Variants in TRAPPC9 observed in about 807,000 individuals in gnomAD.
TRAPPC9 encodes the protein trafficking protein particle complex subunit 9.
Under a neutral mutation model 124.0 loss-of-function variants are expected in TRAPPC9, and 83 were observed. The ratio of observed to expected loss-of-function variants is 0.67; its 90% CI spans 0.56 to 0.80. The LOEUF (loss-of-function observed/expected upper bound fraction) is 0.80, where lower values mean the gene tolerates loss of function less well. TRAPPC9 is among the 30% of genes least tolerant of loss of function. The pLI, the probability that TRAPPC9 is intolerant of heterozygous loss-of-function variation, is 0.00. For missense variants in TRAPPC9, 1,302 were observed against 1,508.3 expected, an observed-to-expected ratio of 0.86 and a Z score of 2.27; for synonymous variants, 638 against 617.5, an observed-to-expected ratio of 1.03 and a Z score of -0.49.
intron 9 of TRAPPC9, among the ~76,000 whole-genome samples, chr8:140,319,728 A>G (rs1405610364): frequency 6.6e-6 from 1 of 152,200 alleles, no homozygotes; most frequent in Non-Finnish European, 1.5e-5. Context: ...TCGGCCTCCC[A>G]AAGTGCTGGG....
chr8:139,753,605 G>A (rs1009459516), intron 21 of TRAPPC9, among the ~76,000 whole-genome samples: 1 of 152,224 alleles, frequency 6.6e-6, no homozygotes, highest in East Asian at 1.9e-4. Flanking sequence ...CAAGCCTTCT[G>A]TACTCCTTCC....
chr8:139,746,252 T>C (rs899456334), intron 21 of TRAPPC9, among the ~76,000 whole-genome samples: 1 of 152,208 alleles, frequency 6.6e-6, no homozygotes, highest in Non-Finnish European at 1.5e-5. Flanking sequence ...AGAGGCTGTC[T>C]GGGAAGCCAT....
intron 18 of TRAPPC9, among the ~76,000 whole-genome samples, chr8:140,012,952 A>C (rs531499208): frequency 2.6e-5 from 4 of 152,268 alleles, no homozygotes; most frequent in Admixed American, 6.5e-5. Flanking sequence ...GTGTGTAGCA[A>C]GGCAACTGGC....
At chr8:139,996,659 C>G (rs935842475) in intron 18 of TRAPPC9, among the ~76,000 whole-genome samples, 8 of 152,142 alleles carry the variant, frequency 5.3e-5, no homozygotes, top group Non-Finnish European at 8.8e-5. Context: ...TGGCCACACC[C>G]CCAAAAAGAA....
intron 17 of TRAPPC9, among the ~76,000 whole-genome samples, chr8:140,218,102 G>A (rs1262463507): frequency 6.6e-6 from 1 of 151,426 alleles, no homozygotes; most frequent in African/African-American, 2.4e-5. Flanking sequence ...ACAGAAAATC[G>A]CAGCTGGTCT....
chr8:139,982,395 T>C (rs1443063990), intron 19 of TRAPPC9, among the ~76,000 whole-genome samples: 1 of 152,120 alleles, frequency 6.6e-6, no homozygotes, highest in Non-Finnish European at 1.5e-5. Flanking sequence ...CTTTTACTCA[T>C]AGGGAAAAAT....
rs553119494 is a variant in TRAPPC9 at position 140,303,590 on chromosome 8, C to T, written c.1623-2976G>A. 2.6e-5 allele frequency among the ~76,000 whole-genome samples: 4 copies of T among 152,324 alleles called. No individual in the cohort carries two copies. The East Asian group carries it at 7.7e-4, about 29-fold the overall frequency. The stretch of plus-strand genomic sequence containing the variant: ...GGCTGCCTCCTGGCAGATGAGATCA[C>T]GCTTGGCCACTACCATCTCTTCGCA... On this transcript the variant is annotated intron_variant, in intron 10 of 22. Transcript: ENST00000438773.
intron 17 of TRAPPC9, among the ~76,000 whole-genome samples, chr8:140,144,483 CAT>C (rs2061427446): frequency 6.6e-6 from 1 of 151,632 alleles, no homozygotes; most frequent in African/African-American, 2.4e-5. Flanking sequence ...TTCATTCATT[CAT>C]TCATTCATTC....
chr8:139,770,563 G>A (rs965317531), intron 21 of TRAPPC9, among the ~76,000 whole-genome samples: 8 of 152,220 alleles, frequency 5.3e-5, no homozygotes, highest in Admixed American at 5.2e-4. Flanking sequence ...GTGAAACTGC[G>A]CAAACAGTGC....
intron 7 of TRAPPC9, among the ~76,000 whole-genome samples, chr8:140,376,673 C>T (rs2068449648): frequency 6.7e-6 from 1 of 150,364 alleles, no homozygotes; most frequent in South Asian, 2.1e-4. Context: ...GTCAGGAGTT[C>T]GAGACCAGCC....
intron 2 of TRAPPC9, among the ~76,000 whole-genome samples, chr8:140,447,775 T>A (rs2071319740): frequency 6.6e-6 from 1 of 152,118 alleles, no homozygotes; most frequent in South Asian, 2.1e-4. Flanking sequence ...CCATTTCAGG[T>A]TGGACACTTC....
At chr8:139,915,244 T>C (rs1336681955) in intron 19 of TRAPPC9, among the ~76,000 whole-genome samples, 1 of 152,016 alleles carries the variant, frequency 6.6e-6, no homozygotes, top group East Asian at 1.9e-4. Context: ...GGTTCTAATG[T>C]TATTATTTTG....
Position 140,082,908 on chromosome 8 carries a change from A to C in TRAPPC9, c.2557-58829T>G, listed in dbSNP as rs149949787. Among the ~76,000 whole-genome samples the C allele has an allele frequency of 4.7e-3, 712 of 152,206 alleles. 7 individuals are homozygous for C. The highest frequency in any genetic ancestry group is 0.016 in the African/African-American group (679 of 41,544). On this transcript the variant is annotated intron_variant, in intron 17 of 22. Coordinates refer to ENST00000438773, the MANE Select transcript of TRAPPC9 (RefSeq NM_001160372.4). Reference sequence around the variant, plus strand: ...GGTAACAAAGGACTTAAAAATGTTCACATTGGCCAGGCGCGGTGGCTCACG... The same window carrying C: ...GGTAACAAAGGACTTAAAAATGTTCCCATTGGCCAGGCGCGGTGGCTCACG...
intron 21 of TRAPPC9, among the ~76,000 whole-genome samples, chr8:139,757,637 G>C (rs553623707): frequency 6.6e-6 from 1 of 152,166 alleles, no homozygotes; most frequent in Non-Finnish European, 1.5e-5. Context: ...TGCTCTGGCA[G>C]TGCCTGTCAG....
In TRAPPC9 at chr8:140,353,080, A is replaced by G. The variant is rs999437426; in HGVS notation, c.1495+6970T>C. On this transcript the variant is annotated intron_variant, in intron 9 of 22. Transcript: ENST00000438773. The surrounding 1 kb of genome is among the most constrained non-coding windows in gnomAD (Gnocchi z 4.2). ...GTTTTCGAGAAAACACCATCTACCC[A>G]GAGGCCTCCAGAAAGACACTGGACC... Among the ~76,000 whole-genome samples the G allele has an allele frequency of 2.0e-5, 3 of 152,202 alleles. No homozygotes were observed. Among genetic ancestry groups the G allele is most frequent in the Middle Eastern group, 3.2e-3 (1 of 316 alleles).
At chr8:140,173,422 C>T (rs1033198859) in intron 17 of TRAPPC9, among the ~76,000 whole-genome samples, 10 of 152,034 alleles carry the variant, frequency 6.6e-5, no homozygotes, top group Admixed American at 2.0e-4. Context: ...GGCTTGGTGG[C>T]GGGTGCCTGT....
At position 140,223,121 on chromosome 8, in the gene TRAPPC9, G is replaced by A. The variant is rs991348816; in HGVS notation, c.2432-1538C>T. On this transcript the variant is annotated intron_variant, in intron 16 of 22. Transcript: ENST00000438773. ...CTGCACCTATCAACCCATCACCCAC[G>A]TATTAAACCCAGCATGCATTAGCTA... Among the ~76,000 whole-genome samples, 13 of 152,040 alleles carry A rather than the reference G, an allele frequency of 8.6e-5. No individual in the cohort carries two copies. The South Asian group carries it at 1.0e-3, about 12-fold the overall frequency.
chr8:139,924,692 C>T (rs961815895), intron 19 of TRAPPC9, among the ~76,000 whole-genome samples: 4 of 152,322 alleles, frequency 2.6e-5, no homozygotes, highest in South Asian at 2.1e-4. Context: ...ACCAAGCCCT[C>T]GCTATACCCA....
At chr8:140,143,161 A>T (rs1401526940) in intron 17 of TRAPPC9, among the ~76,000 whole-genome samples, 1 of 152,218 alleles carries the variant, frequency 6.6e-6, no homozygotes, top group Non-Finnish European at 1.5e-5. Flanking sequence ...CGTTTCCCTG[A>T]TTAGTATTTG....
Sources: gnomAD v4.1 joint callset for allele counts (sites outside exome capture counted in the v4.1 genomes callset) on GRCh38, gnomAD v4.1.1 for gene constraint, Gnocchi (gnomAD v3.1) non-coding constraint, MANE v1.5 for transcripts, NCBI Gene and HGNC (gene_info 2026-07-23, HGNC 2026-07-21) for gene names.